Variants in TMEM259 observed in about 807,000 individuals in gnomAD.
TMEM259 encodes transmembrane protein 259, also known as membralin.
In TMEM259, 26 loss-of-function variants were observed where a neutral mutation model predicts 46.7. The observed-to-expected ratio is 0.56, with a 90% confidence interval of 0.41 to 0.77. The LOEUF is 0.77. TMEM259 is among the 30% of genes least tolerant of loss of function. The pLI is 0.00. For missense variants in TMEM259, 930 were observed against 900.5 expected (o/e 1.03, Z -0.42); for synonymous variants, 494 against 395.1 (o/e 1.25, Z -2.97).
Position 1,014,570 on chromosome 19 carries a change from G to A in TMEM259, c.226-97C>T, listed in dbSNP as rs1017026608. On this transcript the variant is annotated intron_variant, in intron 1 of 10. Coordinates refer to ENST00000356663, the MANE Select transcript of TMEM259 (RefSeq NM_001033026.2). ...GGGGCGTGATGGGGCGCGCTGGGAC[G>A]CCCAGGACGGGGAAAGGAAGGAAAC... The A allele has an allele frequency of 5.8e-6, 8 of 1,370,496 alleles. No homozygotes were observed. The African/African-American group carries it at 7.2e-5, about 12-fold the overall frequency. The allele number at this position is 1,370,496 out of a possible 1,614,324, so 84.9% of individuals were successfully genotyped here. A position where few individuals can be genotyped will look rare whatever the true frequency, so the allele number is the denominator to read the frequency against.
In TMEM259 at chr19:1,010,912, G is replaced by A. The variant is rs781433078; in HGVS notation, c.1318-17C>T. 3.2e-6 allele frequency: 5 copies of A among 1,582,774 alleles called. No individual in the cohort carries two copies. The highest frequency in any genetic ancestry group is 1.7e-5 in the Admixed American group (1 of 58,256). On this transcript the variant is annotated splice_polypyrimidine_tract_variant and intron_variant, in intron 10 of 10. Transcript: ENST00000356663. ...CATGGAATGCTGCGGGAGGGAGAGT[G>A]GGAGTCAGGACGGGCCCGCCCCTGC... is the stretch of plus-strand genomic sequence containing the variant.
chr19:1,020,409 C>G lies in TMEM259; in HGVS notation c.225+363G>C, dbSNP rs898936775. On this transcript the variant is annotated intron_variant, in intron 1 of 10. Transcript: ENST00000356663. The surrounding 1 kb of genome is among the most constrained non-coding windows in gnomAD (Gnocchi z 4.0). ...GGAGGTGCTACCTCGCAGGCCAGGA[C>G]CGGACTCCAAGCCTGGGTAGGTGGG... Among the ~76,000 whole-genome samples, 1 of 152,074 alleles carries G rather than the reference C, an allele frequency of 6.6e-6. No homozygotes were observed. Among genetic ancestry groups the G allele is most frequent in the Non-Finnish European group, 1.5e-5 (1 of 67,994 alleles).
chr19:1,015,199 C>T (rs1276027517), intron 1 of TMEM259, among the ~76,000 whole-genome samples: 15 of 152,236 alleles, frequency 9.9e-5, no homozygotes, highest in Admixed American at 5.9e-4. Context: ...GAGCGCCCCA[C>T]GGCAGGGCGA....
intron 1 of TMEM259, among the ~76,000 whole-genome samples, chr19:1,015,503 C>T (rs1288612011): frequency 1.3e-5 from 2 of 152,202 alleles, no homozygotes; most frequent in African/African-American, 4.8e-5. Flanking sequence ...GCCCGCCTCA[C>T]CGTCTGGCGG....
rs1222204966 is a variant in TMEM259, at chr19:1,011,592, G to T, written c.1072C>A (p.Leu358Met). Residue 358 changes from leucine (L) to methionine (M), a missense_variant, in exon 8 of 11, where the codon CTG becomes ATG. Physicochemically the swap from Leu to Met is conservative, Grantham distance 15 (BLOSUM62 2). Coordinates refer to ENST00000356663, the MANE Select transcript of TMEM259 (RefSeq NM_001033026.2). ...GTGGGGTCCTCACCGACGAGGGCCA[G>T]GATGACGGTCAGCAGGGGCGCTGCG... ...FPAAPLLTVI[L>M]ALVGMEAIMS... The T allele has an allele frequency of 6.5e-7, 1 of 1,544,608 alleles. No homozygotes were observed. The highest frequency in any genetic ancestry group is 2.4e-5 in the East Asian group (1 of 40,818).
At chr19:1,015,312 T>C (rs1306462155) in intron 1 of TMEM259, among the ~76,000 whole-genome samples, 1 of 152,128 alleles carries the variant, frequency 6.6e-6, no homozygotes, top group Non-Finnish European at 1.5e-5. Context: ...TTGTCACAAT[T>C]GGGGGAGCTC....
intron 1 of TMEM259, among the ~76,000 whole-genome samples, chr19:1,017,864 C>T (rs1325204845): frequency 6.6e-6 from 1 of 152,188 alleles, no homozygotes; most frequent in Non-Finnish European, 1.5e-5. Flanking sequence ...TGGGGCTCCC[C>T]TTTGTCCACC....
chr19:1,013,112 G>A, intron 3 of TMEM259, 129 bp downstream of exon 3: 1 of 792,418 alleles, frequency 1.3e-6, no homozygotes, highest in South Asian at 1.6e-5. Context: ...TCGAGGCACG[G>A]GGGTGCCCTC....
At position 1,011,785 on chromosome 19, in the gene TMEM259, G is replaced by A. The variant is rs1487184377; in HGVS notation, c.956C>T (p.Ser319Phe). The A allele has an allele frequency of 6.4e-7, 1 of 1,572,550 alleles. No individual in the cohort carries two copies. The highest frequency in any genetic ancestry group is 8.6e-7 in the Non-Finnish European group (1 of 1,158,590). ...AIMVIFTLSVSMLLRYSHHQI... is the reference protein window; with the variant it reads ...AIMVIFTLSVFMLLRYSHHQI... The stretch of plus-strand genomic sequence containing the variant: ...GTGGTGTGAGTACCGCAGCAGCATG[G>A]ACACGCTCAGCGTCTGCAAGGGGCG... The change falls in exon 7 of 11, where the codon TCC becomes TTC. Residue 319 changes from serine (S) to phenylalanine (F), a missense_variant. Transcript: ENST00000356663.
Position 1,013,305 on chromosome 19 carries a change from C to A in TMEM259, c.543G>T (p.Pro181=). The A allele has an allele frequency of 1.2e-6, 2 of 1,613,750 alleles. No homozygotes were observed. The highest frequency in any genetic ancestry group is 1.7e-6 in the Non-Finnish European group (2 of 1,179,784). The change falls in exon 3 of 11, where the codon CCG becomes CCT. Residue 181 remains proline, a synonymous_variant. Coordinates refer to ENST00000356663, the MANE Select transcript of TMEM259 (RefSeq NM_001033026.2). ...CATTCAGGGCCTCTGTGCTACTCGGCGGCTTGAACACCTTGGGCTCGATGT... is the reference window on the plus strand; with the variant it reads ...CATTCAGGGCCTCTGTGCTACTCGGAGGCTTGAACACCTTGGGCTCGATGT... ...ELDIEPKVFK[P]PSSTEALNDS... is the part of the protein sequence containing the mutation.
At chr19:1,011,306 T>C (rs1281186230) in intron 9 of TMEM259, 61 bp downstream of exon 9, 1 of 1,541,258 alleles carries the variant, frequency 6.5e-7, no homozygotes. Context: ...CCCCTCCCTC[T>C]GGCAGCCCCC....
chr19:1,019,867 G>C (rs1236014959), intron 1 of TMEM259, among the ~76,000 whole-genome samples: 2 of 152,208 alleles, frequency 1.3e-5, no homozygotes, highest in Non-Finnish European at 2.9e-5. Flanking sequence ...ACCCCGGCCA[G>C]CTTGTTTTCT....
At chr19:1,015,785 C>T (rs182209161) in intron 1 of TMEM259, among the ~76,000 whole-genome samples, 9 of 152,138 alleles carry the variant, frequency 5.9e-5, no homozygotes, top group African/African-American at 2.2e-4. Context: ...CACCTGTGGC[C>T]GCACAGCCAT....
At chr19:1,015,924 G>A (rs895666858) in intron 1 of TMEM259, among the ~76,000 whole-genome samples, 1 of 152,226 alleles carries the variant, frequency 6.6e-6, no homozygotes, top group Non-Finnish European at 1.5e-5. Flanking sequence ...CGGCCGCAGT[G>A]CTGTGACCTG....
chr19:1,011,271 G>T, intron 9 of TMEM259, 76 bp from the exon 10 acceptor site: 1 of 1,538,398 alleles, frequency 6.5e-7, no homozygotes, highest in East Asian at 2.5e-5. Context: ...CCCGCGTGGC[G>T]CAGCCACCAC....
chr19:1,019,570 G>T (rs1352649395), intron 1 of TMEM259, among the ~76,000 whole-genome samples: 1 of 152,120 alleles, frequency 6.6e-6, no homozygotes, highest in Non-Finnish European at 1.5e-5. Context: ...GAGGCTGGGG[G>T]GCCTTCCGTG....
In TMEM259 at chr19:1,020,683, G is replaced by T; in HGVS notation, c.225+89C>A. On this transcript the variant is annotated intron_variant, in intron 1 of 10. Coordinates refer to ENST00000356663, the MANE Select transcript of TMEM259 (RefSeq NM_001033026.2). This position sits in a 1 kb window ranked among gnomAD's most constrained non-coding sequence, Gnocchi z 4.0. ...TGCAGGGTGGCGCTCGCTGTCCCCAGCGGGGCCAGGGGTCGCGGTCGGAGG... is the reference window on the plus strand; with the variant it reads ...TGCAGGGTGGCGCTCGCTGTCCCCATCGGGGCCAGGGGTCGCGGTCGGAGG... 2.0e-6 allele frequency: 2 copies of T among 1,006,954 alleles called. No homozygotes were observed. The highest frequency in any genetic ancestry group is 2.6e-6 in the Non-Finnish European group (2 of 770,786). 62.4% of individuals were successfully genotyped at this position (1,006,954 alleles called of 1,614,324 possible). A position where few individuals can be genotyped will look rare whatever the true frequency, so the allele number is the denominator to read the frequency against.
Position 1,010,670 on chromosome 19 carries a change from G to A in TMEM259, c.1543C>T (p.Pro515Ser). The change falls in exon 11 of 11, where the codon CCT (proline) becomes TCT (serine). Residue 515 changes from proline to serine, a missense_variant. Coordinates refer to ENST00000356663, the MANE Select transcript of TMEM259 (RefSeq NM_001033026.2). ...AGGGAGCTGGGCGCCGCTGCCACAG[G>A]CCCGGGACTCCCGCTGGCCCCAGGC... Reference protein sequence around the residue: ...VSPGASGSPGPVAAAPSSLVA... With the variant: ...VSPGASGSPGSVAAAPSSLVA... 2 of 1,535,024 alleles carry A rather than the reference G, an allele frequency of 1.3e-6. No individual in the cohort carries two copies. Among genetic ancestry groups the A allele is most frequent in the Non-Finnish European group, 8.7e-7 (1 of 1,145,934 alleles).
rs753100247 is a variant in TMEM259, at chr19:1,017,228, C to T, written c.226-2755G>A. 2.3e-4 allele frequency: 91 copies of T among 400,096 alleles called. 1 individual carries two copies. The highest frequency in any genetic ancestry group is 3.7e-4 in the Non-Finnish European group (85 of 226,902). 24.8% of individuals were successfully genotyped at this position (400,096 alleles called of 1,614,324 possible). A position where few individuals can be genotyped will look rare whatever the true frequency, so the allele number is the denominator to read the frequency against. Reference sequence around the variant, plus strand: ...TCACCAGGCCCGGCCCTGAGCCACACGCCCAGGCAGCCTCGTCCACGCCCA... The same window carrying T: ...TCACCAGGCCCGGCCCTGAGCCACATGCCCAGGCAGCCTCGTCCACGCCCA... On this transcript the variant is annotated intron_variant, in intron 1 of 10. Coordinates refer to ENST00000356663, the MANE Select transcript of TMEM259 (RefSeq NM_001033026.2).
Sources: allele counts gnomAD v4.1 joint callset (sites outside exome capture counted in the v4.1 genomes callset), GRCh38; gene constraint gnomAD v4.1.1; non-coding constraint Gnocchi (gnomAD v3.1); transcripts MANE v1.5; gene names NCBI Gene and HGNC (gene_info 2026-07-23, HGNC 2026-07-21).